The following FMN2 variants were observed in gnomAD, a reference collection of about 807,000 sequenced individuals.
The protein encoded by FMN2 is formin 2, also known as formin-2.
FMN2 carries 51 observed loss-of-function variants against 142.3 expected under a neutral mutation model. The observed-to-expected ratio is 0.36, with a 90% CI of 0.29 to 0.45. The LOEUF (loss-of-function observed/expected upper bound fraction) is 0.45, where lower values mean the gene tolerates loss of function less well. FMN2 is among the 20% of genes least tolerant of loss of function. The probability of loss-of-function intolerance (pLI) is 1.00; values close to 1 mark genes in which losing one functional copy is unlikely to be tolerated. For missense variants in FMN2, 1,936 were observed against 2,122.8 expected, an observed-to-expected ratio of 0.91 and a Z score of 1.73; for synonymous variants, 882 against 869.8, an observed-to-expected ratio of 1.01 and a Z score of -0.25.
chr1:240,444,466 G>A (rs950172386), intron 16 of FMN2, among the ~76,000 whole-genome samples: 2 of 152,092 alleles, frequency 1.3e-5, no homozygotes, highest in African/African-American at 4.8e-5. Flanking sequence ...ATTTTTAGTT[G>A]GCCTGAGACA....
In FMN2 at chr1:240,177,986, G is replaced by A. The variant is rs1226923595; in HGVS notation, c.1848G>A (p.Gly616=). Residue 616 remains glycine (G), a synonymous_variant, in exon 3 of 18, where the codon GGG becomes GGA. Transcript: ENST00000319653. Reference sequence around the variant, plus strand: ...CACACTCATTGGACTATTCAGAAGGGCAGTTTCCTAGGCGAGTTCCATCCA... The same window carrying A: ...CACACTCATTGGACTATTCAGAAGGACAGTTTCCTAGGCGAGTTCCATCCA... The part of the protein sequence containing the change: ...QPTHSLDYSE[G]QFPRRVPSMG... The A allele has an allele frequency of 6.2e-7, 1 of 1,612,920 alleles. No homozygotes were observed. The highest frequency in any genetic ancestry group is 1.3e-5 in the African/African-American group (1 of 74,948).
At chr1:240,200,440 C>T (rs564384177) in intron 4 of FMN2, among the ~76,000 whole-genome samples, 1 of 152,256 alleles carries the variant, frequency 6.6e-6, no homozygotes, top group East Asian at 1.9e-4. Flanking sequence ...TGAACTGGTA[C>T]TCTCTGAGAG....
At chr1:240,141,126 A>G (rs1663163562) in intron 2 of FMN2, among the ~76,000 whole-genome samples, 1 of 152,180 alleles carries the variant, frequency 6.6e-6, no homozygotes, top group Non-Finnish European at 1.5e-5. Flanking sequence ...TAGTTGGGTA[A>G]CAAGTATTTC....
At chr1:240,400,638 C>T (rs948526599) in intron 15 of FMN2, 2 of 152,202 alleles carry the variant, frequency 1.3e-5, no homozygotes, top group African/African-American at 4.8e-5. Flanking sequence ...GTCTCCTTCC[C>T]AGCTTTGAGG....
At chr1:240,344,986 C>T (rs1671860904) in intron 13 of FMN2, among the ~76,000 whole-genome samples, 1 of 152,176 alleles carries the variant, frequency 6.6e-6, no homozygotes, top group East Asian at 1.9e-4. Context: ...ATGGTCTACA[C>T]ATATGTGATA....
At chr1:240,279,272 A>G (rs868671019) in intron 7 of FMN2, among the ~76,000 whole-genome samples, 1 of 152,200 alleles carries the variant, frequency 6.6e-6, no homozygotes, top group Non-Finnish European at 1.5e-5. Context: ...TGAAAAAAAA[A>G]TTCTGATACC....
intron 16 of FMN2, among the ~76,000 whole-genome samples, chr1:240,438,971 T>C (rs1675504291): frequency 6.6e-6 from 1 of 152,110 alleles, no homozygotes; most frequent in African/African-American, 2.4e-5. Flanking sequence ...TTTAGATCTT[T>C]AGAAAACTTA....
chr1:240,204,420 C>G (rs1423034081), intron 4 of FMN2, among the ~76,000 whole-genome samples: 1 of 151,866 alleles, frequency 6.6e-6, no homozygotes, highest in Admixed American at 6.6e-5. Context: ...GGCAATGTAG[C>G]AAGACTCTGT....
Position 240,299,966 on chromosome 1 carries a change from C to G in FMN2, c.4215+5083C>G, listed in dbSNP as rs1405515889. 2.6e-5 allele frequency among the ~76,000 whole-genome samples: 4 copies of G among 152,126 alleles called. No homozygotes were observed. The East Asian group carries it at 7.7e-4, about 29-fold the overall frequency. ...GTATGAAGGCACATTTGTGGTGTACCTTGGCTGGAGGCCTTCCTACTTCCT... is the reference window on the plus strand; with the variant it reads ...GTATGAAGGCACATTTGTGGTGTACGTTGGCTGGAGGCCTTCCTACTTCCT... On this transcript the variant is annotated intron_variant, in intron 8 of 17. Coordinates refer to ENST00000319653, the MANE Select transcript of FMN2 (RefSeq NM_020066.5).
At chr1:240,374,597 A>G (rs555609951) in intron 14 of FMN2, among the ~76,000 whole-genome samples, 3 of 152,276 alleles carry the variant, frequency 2.0e-5, no homozygotes, top group African/African-American at 7.2e-5. Context: ...TTTCTTCTAT[A>G]GCTTCCTCGC....
intron 16 of FMN2, among the ~76,000 whole-genome samples, chr1:240,452,633 G>A (rs1676101403): frequency 6.6e-6 from 1 of 152,026 alleles, no homozygotes; most frequent in Admixed American, 6.6e-5. Context: ...ATTTTTCCAG[G>A]TGTTCAGGGG....
chr1:240,383,800 A>C (rs778300388), intron 14 of FMN2, among the ~76,000 whole-genome samples: 60 of 152,220 alleles, frequency 3.9e-4, no homozygotes, highest in Admixed American at 6.5e-4. Flanking sequence ...TCATATGTTT[A>C]TTACAGCACT....
intron 2 of FMN2, among the ~76,000 whole-genome samples, chr1:240,127,742 A>C (rs1662571504): frequency 6.6e-6 from 1 of 152,050 alleles, no homozygotes; most frequent in South Asian, 2.1e-4. Flanking sequence ...GGCCTCCCAA[A>C]ATGCTGGGAT....
At chr1:240,321,526 G>T (rs887438278) in intron 8 of FMN2, among the ~76,000 whole-genome samples, 5 of 152,268 alleles carry the variant, frequency 3.3e-5, no homozygotes, top group Admixed American at 2.0e-4. Context: ...CATTCTCATT[G>T]CAAGATAGAA....
chr1:240,462,459 T>C (rs1157071257), intron 16 of FMN2, among the ~76,000 whole-genome samples: 1 of 152,200 alleles, frequency 6.6e-6, no homozygotes, highest in African/African-American at 2.4e-5. Context: ...ATAAAATCCT[T>C]AGTAGTTTAC....
chr1:240,300,892 G>A lies in FMN2; in HGVS notation c.4215+6009G>A, dbSNP rs1282072987. Among the ~76,000 whole-genome samples, 5 of 131,382 alleles carry A rather than the reference G, an allele frequency of 3.8e-5. No individual in the cohort carries two copies. In the South Asian group the frequency reaches 9.7e-4, roughly 25 times the overall value. 86.2% of individuals were successfully genotyped at this position (131,382 alleles called of 152,430 possible). A position where few individuals can be genotyped will look rare whatever the true frequency, so the allele number is the denominator to read the frequency against. ...ATTCTATTCTTTTGATACTTACTGT[G>A]TGCATGTTTTTTTTTTTTCCAACTC... is the stretch of plus-strand genomic sequence containing the variant. On this transcript the variant is annotated intron_variant, in intron 8 of 17. Transcript: ENST00000319653.
At chr1:240,331,758 C>T (rs990059552) in intron 11 of FMN2, among the ~76,000 whole-genome samples, 1 of 152,138 alleles carries the variant, frequency 6.6e-6, no homozygotes, top group Non-Finnish European at 1.5e-5. Context: ...TACATCTAAC[C>T]TAGTAAACAT....
intron 8 of FMN2, among the ~76,000 whole-genome samples, chr1:240,305,820 A>G (rs1370956336): frequency 6.6e-6 from 1 of 152,204 alleles, no homozygotes; most frequent in Non-Finnish European, 1.5e-5. Flanking sequence ...TTGTCATAAG[A>G]ATTATTACAT....
chr1:240,274,837 C>A (rs1669137968), intron 7 of FMN2, among the ~76,000 whole-genome samples: 1 of 151,944 alleles, frequency 6.6e-6, no homozygotes, highest in Non-Finnish European at 1.5e-5. Context: ...GGATTATTGG[C>A]CTAAGTTAAT....
Sources: allele counts gnomAD v4.1 joint callset (sites outside exome capture counted in the v4.1 genomes callset), GRCh38; gene constraint gnomAD v4.1.1; transcripts MANE v1.5; gene names NCBI Gene and HGNC (gene_info 2026-07-23, HGNC 2026-07-21).